KLK5: variants seen among roughly 807,000 people sequenced by gnomAD.
The protein encoded by KLK5 is kallikrein-5.
KLK5 carries 18 observed loss-of-function variants against 24.0 expected under a neutral mutation model. That is an observed-to-expected ratio of 0.75 (90% CI 0.52 to 1.11). The LOEUF is 1.11. KLK5 is among the 50% of genes most tolerant of loss of function. The pLI is 0.00. For missense variants in KLK5, 374 were observed against 379.2 expected, an observed-to-expected ratio of 0.99 and a Z score of 0.11; for synonymous variants, 140 against 154.0, an observed-to-expected ratio of 0.91 and a Z score of 0.67.
At position 50,947,855 on chromosome 19, in the gene KLK5, C is replaced by T. The variant is rs1212009536; in HGVS notation, c.726+785G>A. On this transcript the variant is annotated intron_variant, in intron 5 of 5. Transcript: ENST00000336334. The surrounding 1 kb of genome is among the most constrained non-coding windows in gnomAD (Gnocchi z 8.7). ...CAACCTGCCCAACCATACAAAACAG[C>T]CCTGATCTTTCCCTCTAGATCCGTG... Among the ~76,000 whole-genome samples, 1 of 152,168 alleles carries T rather than the reference C, an allele frequency of 6.6e-6. No individual in the cohort carries two copies. Among genetic ancestry groups the T allele is most frequent in the Non-Finnish European group, 1.5e-5 (1 of 68,022 alleles).
At position 50,952,915 on chromosome 19, in the gene KLK5, T is replaced by C. The variant is rs1277131662; in HGVS notation, c.-180A>G. On this transcript the variant is annotated 5_prime_UTR_variant, in exon 1 of 6. Coordinates refer to ENST00000336334, the MANE Select transcript of KLK5 (RefSeq NM_012427.5). ...GGACGCACAGACACCTCTCCTTCCC[T>C]GCCTGCTGAGCCACCCTCACCAGGT... is the stretch of plus-strand genomic sequence containing the variant. 1 of 347,132 alleles carries C rather than the reference T, an allele frequency of 2.9e-6. No homozygotes were observed. The highest frequency in any genetic ancestry group is 2.1e-5 in the African/African-American group (1 of 47,058). The allele number at this position is 347,132 out of a possible 1,614,324, so 21.5% of individuals were successfully genotyped here.
chr19:50,949,607 C>G (rs1489518186), intron 3 of KLK5, among the ~76,000 whole-genome samples: 2 of 151,960 alleles, frequency 1.3e-5, no homozygotes, highest in African/African-American at 4.8e-5. Flanking sequence ...AACACTCTCC[C>G]CTCTCCAACC....
chr19:50,948,365 T>C (rs527982567), intron 5 of KLK5, among the ~76,000 whole-genome samples: 1 of 152,292 alleles, frequency 6.6e-6, no homozygotes, highest in African/African-American at 2.4e-5. Flanking sequence ...AAAGGTGATC[T>C]GCCTGCCTCA....
intron 5 of KLK5, among the ~76,000 whole-genome samples, chr19:50,945,429 C>T (rs12462803): frequency 0.049 from 7,441 of 151,804 alleles, 209 homozygotes; most frequent in Admixed American, 0.078. Context: ...TGCAAAATAG[C>T]CACTCGGCTA....
chr19:50,943,529 G>C lies in KLK5; in HGVS notation c.*102C>G. On this transcript the variant is annotated 3_prime_UTR_variant, in exon 6 of 6. Transcript: ENST00000336334. Reference sequence around the variant, plus strand: ...ACATGGGGTCAGGGGCTGGAGAGATGAACATTCTCAACATCTCTGGGAAGG... The same window carrying C: ...ACATGGGGTCAGGGGCTGGAGAGATCAACATTCTCAACATCTCTGGGAAGG... 1 of 1,151,146 alleles carries C rather than the reference G, an allele frequency of 8.7e-7. No individual in the cohort carries two copies. The highest frequency in any genetic ancestry group is 1.3e-6 in the Non-Finnish European group (1 of 783,570). The allele number at this position is 1,151,146 out of a possible 1,614,324, so 71.3% of individuals were successfully genotyped here. A position where few individuals can be genotyped will look rare whatever the true frequency, so the allele number is the denominator to read the frequency against.
intron 2 of KLK5, among the ~76,000 whole-genome samples, chr19:50,951,128 G>C (rs975813866): frequency 2.0e-5 from 3 of 152,032 alleles, no homozygotes; most frequent in African/African-American, 4.8e-5. Flanking sequence ...GGAAGAGCAG[G>C]CCTAGGTTTC....
intron 5 of KLK5, among the ~76,000 whole-genome samples, chr19:50,945,812 G>T (rs1040511892): frequency 6.6e-6 from 1 of 152,098 alleles, no homozygotes; most frequent in Non-Finnish European, 1.5e-5. Context: ...GAAAAGAAAA[G>T]AAAAGAAATA....
chr19:50,943,710 C>A lies in KLK5; in HGVS notation c.803G>T (p.Arg268Leu). The change falls in exon 6 of 6, where the codon CGG becomes CTG. Residue 268 changes from arginine (R) to leucine (L), a missense_variant. By Grantham distance (102) the Arg-to-Leu change is moderately radical. Coordinates refer to ENST00000336334, the MANE Select transcript of KLK5 (RefSeq NM_012427.5). ...LVSWGDYPCARPNRPGVYTNL... is the reference protein window; with the variant it reads ...LVSWGDYPCALPNRPGVYTNL... ...CGTGTAGACACCCGGTCTGTTGGGC[C>A]GGGCACAAGGGTAATCTCCCCAGGA... is the stretch of plus-strand genomic sequence containing the variant. 6.2e-7 allele frequency: 1 copy of A among 1,613,854 alleles called. No individual in the cohort carries two copies. The highest frequency in any genetic ancestry group is 8.5e-7 in the Non-Finnish European group (1 of 1,179,942).
At chr19:50,948,578 C>A (rs544063897) in intron 5 of KLK5, 62 bp downstream of exon 5, 9 of 1,571,216 alleles carry the variant, frequency 5.7e-6, no homozygotes, top group Middle Eastern at 3.4e-4. Context: ...AATTTGGCAA[C>A]GCTCCATGTT....
Position 50,952,730 on chromosome 19 carries a change from T to G in KLK5, c.-12+17A>C. The G allele has an allele frequency of 9.4e-7, 1 of 1,066,078 alleles. No homozygotes were observed. The highest frequency in any genetic ancestry group is 1.3e-6 in the Non-Finnish European group (1 of 747,098). The allele number at this position is 1,066,078 out of a possible 1,614,324, so 66.0% of individuals were successfully genotyped here. A position where few individuals can be genotyped will look rare whatever the true frequency, so the allele number is the denominator to read the frequency against. ...CGATCCGGGGAGCCCTTAACCCACT[T>G]CCCCTCCCTCCCCTACCTTATTTCC... On this transcript the variant is annotated intron_variant, in intron 1 of 5. Coordinates refer to ENST00000336334, the MANE Select transcript of KLK5 (RefSeq NM_012427.5).
intron 3 of KLK5, 132 bp downstream of exon 3, chr19:50,949,723 T>TCC: frequency 3.7e-6 from 1 of 268,992 alleles, no homozygotes; most frequent in Non-Finnish European, 5.3e-6. Flanking sequence ...AACCCTCACC[T>TCC]TCCATGACAC....
intron 3 of KLK5, among the ~76,000 whole-genome samples, chr19:50,949,413 T>C (rs1466710181): frequency 6.6e-6 from 1 of 151,146 alleles, no homozygotes; most frequent in African/African-American, 2.4e-5. Context: ...CATCCTTCAT[T>C]CTATATCTGC....
At position 50,948,712 on chromosome 19, in the gene KLK5, C is replaced by T. The variant is rs754496952; in HGVS notation, c.654G>A (p.Glu218=). Reference sequence around the variant, plus strand: ...CATCTATCTGTCTCGGGTAAGCATCCTCGCACCTTTTCTGACTTAGCACGC... The same window carrying T: ...CATCTATCTGTCTCGGGTAAGCATCTTCGCACCTTTTCTGACTTAGCACGC... The part of the protein sequence containing the change: ...NISVLSQKRC[E]DAYPRQIDDT... Residue 218 remains glutamate, a synonymous_variant, in exon 5 of 6, where the codon GAG becomes GAA. Transcript: ENST00000336334. 33 of 1,614,024 alleles carry T rather than the reference C, an allele frequency of 2.0e-5. No individual in the cohort carries two copies. In the South Asian group the frequency reaches 3.6e-4, roughly 18 times the overall value.
chr19:50,946,903 C>G (rs73932688), intron 5 of KLK5, among the ~76,000 whole-genome samples: 3 of 151,926 alleles, frequency 2.0e-5, no homozygotes, highest in African/African-American at 2.4e-5. Flanking sequence ...TCGCAACCCA[C>G]CCCCCCACAC....
rs1198596790 is a variant in KLK5, at chr19:50,943,802, G to A, written c.727-16C>T. 2 of 1,603,170 alleles carry A rather than the reference G, an allele frequency of 1.2e-6. No individual in the cohort carries two copies. The highest frequency in any genetic ancestry group is 1.7e-6 in the Non-Finnish European group (2 of 1,172,418). On this transcript the variant is annotated splice_polypyrimidine_tract_variant and intron_variant, in intron 5 of 5. Transcript: ENST00000336334. ...CAGAATCACCCTGCAGGAGAGAAAG[G>A]GGGGCATGAGAGAGGCAGAGATGTG...
In KLK5 at chr19:50,949,069, C is replaced by T. The variant is rs2123568503; in HGVS notation, c.382G>A (p.Glu128Lys). The part of the protein sequence containing the change: ...LGHYSLSPVY[E>K]SGQQMFQGVK... ...CCCTGGAACATCTGCTGCCCAGATT[C>T]ATAAACTGGTGACAGGGAGTAGTGG... The change falls in exon 4 of 6, where the codon GAA (glutamate) becomes AAA (lysine). Residue 128 changes from glutamate to lysine, a missense_variant. Coordinates refer to ENST00000336334, the MANE Select transcript of KLK5 (RefSeq NM_012427.5). 1 of 1,613,684 alleles carries T rather than the reference C, an allele frequency of 6.2e-7. No individual in the cohort carries two copies. Among genetic ancestry groups the T allele is most frequent in the Non-Finnish European group, 8.5e-7 (1 of 1,179,954 alleles).
chr19:50,951,179 TCTC>T (rs1463111730), intron 2 of KLK5, among the ~76,000 whole-genome samples: 2 of 151,880 alleles, frequency 1.3e-5, no homozygotes, highest in Non-Finnish European at 2.9e-5. Context: ...ATCCTGTCAA[TCTC>T]CTCCTCTCAC....
At chr19:50,948,810 T>C (rs767080711) in intron 4 of KLK5, 37 bp from the exon 5 acceptor site, 14 of 1,614,028 alleles carry the variant, frequency 8.7e-6, no homozygotes, top group Non-Finnish European at 9.3e-6. Flanking sequence ...TGGAGAAAGA[T>C]GGAAGGCGGC....
chr19:50,950,244 C>T, intron 2 of KLK5, 128 bp from the exon 3 acceptor site: 1 of 869,014 alleles, frequency 1.2e-6, no homozygotes, highest in Non-Finnish European at 1.8e-6. Flanking sequence ...GGGGCAGGGC[C>T]TGGAGAATAA....
Sources: allele counts gnomAD v4.1 joint callset (sites outside exome capture counted in the v4.1 genomes callset), GRCh38; gene constraint gnomAD v4.1.1; non-coding constraint Gnocchi (gnomAD v3.1); transcripts MANE v1.5; gene names NCBI Gene and HGNC (gene_info 2026-07-23, HGNC 2026-07-21).